The following ITLN1 variants were observed in gnomAD, a reference collection of about 807,000 sequenced individuals.
ITLN1 encodes the protein intelectin 1.
Under a neutral mutation model 36.2 loss-of-function variants are expected in ITLN1, and 29 were observed. The ratio of observed to expected loss-of-function variants is 0.80; its 90% CI spans 0.60 to 1.09. ITLN1 has a LOEUF of 1.09. ITLN1 is among the 50% of genes least tolerant of loss of function. The pLI, the probability that ITLN1 is intolerant of heterozygous loss-of-function variation, is 0.00. For synonymous variants in ITLN1, 143 were observed against 146.5 expected (o/e 0.98, Z 0.17); for missense variants, 358 against 405.2 (o/e 0.88, Z 1.00).
chr1:160,881,156 G>C lies in ITLN1; in HGVS notation c.562C>G (p.Gln188Glu), dbSNP rs754549800. ...TLGHNLFGIY[Q>E]KYPVKYGEGK... ...TCCCAGCCAGCAGCCTTCTGTACCTGGTAGATGCCAAACAGATTATGTCCC... is the reference window on the plus strand; with the variant it reads ...TCCCAGCCAGCAGCCTTCTGTACCTCGTAGATGCCAAACAGATTATGTCCC... Residue 188 changes from glutamine to glutamate, a missense_variant and splice_region_variant, in exon 5 of 8, where the codon CAG (glutamine) becomes GAG (glutamate). Physicochemically the swap from Gln to Glu is conservative, Grantham distance 29. Transcript: ENST00000326245. 5 of 1,607,314 alleles carry C rather than the reference G, an allele frequency of 3.1e-6. No individual in the cohort carries two copies. The Admixed American group carries it at 8.4e-5, about 27-fold the overall frequency.
At chr1:160,879,236 ACACT>A in intron 7 of ITLN1, 71 bp downstream of exon 7, 1 of 1,029,812 alleles carries the variant, frequency 9.7e-7, no homozygotes, top group Non-Finnish European at 1.5e-6. Context: ...CACACTCAAC[ACACT>A]CACACATACC....
At position 160,876,639 on chromosome 1, in the gene ITLN1, G is replaced by A. The variant is rs766041785; in HGVS notation, c.*25C>T. 3.1e-6 allele frequency: 5 copies of A among 1,612,910 alleles called. No individual in the cohort carries two copies. The highest frequency in any genetic ancestry group is 1.1e-5 in the South Asian group (1 of 90,980). On this transcript the variant is annotated 3_prime_UTR_variant, in exon 8 of 8. Transcript: ENST00000326245. ...TGGGATCTCATGGTTGGGAGGAGAG[G>A]TCTGGGTTCCCTCCCACAAAACTCT...
At position 160,876,775 on chromosome 1, in the gene ITLN1, G is replaced by A; in HGVS notation, c.831C>T (p.Pro277=). The part of the protein sequence containing the change: ...GGGGYFPEAS[P]QQCGDFSGFD... Reference sequence around the variant, plus strand: ...AACCAGAAAAATCTCCACACTGCTGGGGACTGGCCTCTGGAAAGTATCCTC... The same window carrying A: ...AACCAGAAAAATCTCCACACTGCTGAGGACTGGCCTCTGGAAAGTATCCTC... Residue 277 remains proline, a synonymous_variant, in exon 8 of 8, where the codon CCC becomes CCT. Coordinates refer to ENST00000326245, the MANE Select transcript of ITLN1 (RefSeq NM_017625.3). The A allele has an allele frequency of 6.2e-7, 1 of 1,614,170 alleles. No homozygotes were observed. Among genetic ancestry groups the A allele is most frequent in the Admixed American group, 1.7e-5 (1 of 60,022 alleles).
rs1194764351 is a variant in ITLN1, at chr1:160,883,436, C to T, written c.149G>A (p.Ser50Asn). 9.9e-6 allele frequency: 16 copies of T among 1,610,562 alleles called. No homozygotes were observed. The highest frequency in any genetic ancestry group is 1.4e-5 in the Non-Finnish European group (16 of 1,176,892). The change falls in exon 3 of 8, where the codon AGT (serine) becomes AAT (asparagine). Residue 50 changes from serine (S) to asparagine (N), a missense_variant. Transcript: ENST00000326245. ...AATGTTTCATCACTCACCAAATGCA[C>T]TAGGACATTCGTCTTTGATTTCCTT... The part of the protein sequence containing the change: ...SCKEIKDECP[S>N]AFDGLYFLRT...
At chr1:160,885,026 CT>C in intron 1 of ITLN1, 34 bp downstream of exon 1, 1 of 592,572 alleles carries the variant, frequency 1.7e-6, no homozygotes, top group South Asian at 2.1e-5. Context: ...AAAAGCAGAC[CT>C]AAGCTGAAAA....
chr1:160,876,826 A>G lies in ITLN1; in HGVS notation c.790-10T>C. The stretch of plus-strand genomic sequence containing the variant: ...CTCCACCAATGCAGTGCTGGGAAAC[A>G]AAGAGAGGAAGAGGCAGTAATGAGA... On this transcript the variant is annotated splice_polypyrimidine_tract_variant and intron_variant, in intron 7 of 7. Coordinates refer to ENST00000326245, the MANE Select transcript of ITLN1 (RefSeq NM_017625.3). 6.2e-7 allele frequency: 1 copy of G among 1,613,320 alleles called. No individual in the cohort carries two copies. The highest frequency in any genetic ancestry group is 2.2e-5 in the East Asian group (1 of 44,880).
chr1:160,876,771 G>C lies in ITLN1; in HGVS notation c.835C>G (p.Gln279Glu). The change falls in exon 8 of 8, where the codon CAG becomes GAG. Residue 279 changes from glutamine (Q) to glutamate (E), a missense_variant. By Grantham distance (29) the Gln-to-Glu change is conservative. Transcript: ENST00000326245. ...TCAAAACCAGAAAAATCTCCACACT[G>C]CTGGGGACTGGCCTCTGGAAAGTAT... ...GGYFPEASPQ[Q>E]CGDFSGFDWS... 6.2e-7 allele frequency: 1 copy of C among 1,614,154 alleles called. No homozygotes were observed. The highest frequency in any genetic ancestry group is 8.5e-7 in the Non-Finnish European group (1 of 1,179,998).
chr1:160,882,853 AT>A (rs984748030), intron 3 of ITLN1, among the ~76,000 whole-genome samples: 2 of 151,954 alleles, frequency 1.3e-5, no homozygotes, highest in Non-Finnish European at 2.9e-5. Flanking sequence ...ACTCCATGTT[AT>A]TTTTTGTTTT....
intron 7 of ITLN1, among the ~76,000 whole-genome samples, chr1:160,877,453 C>A (rs567711834): frequency 2.0e-4 from 30 of 152,214 alleles, no homozygotes; most frequent in African/African-American, 7.2e-4. Context: ...ACTGATGGCC[C>A]CAAAATCTCC....
In ITLN1 at chr1:160,881,149, T is replaced by C; in HGVS notation, c.564+5A>G. 2 of 1,603,206 alleles carry C rather than the reference T, an allele frequency of 1.2e-6. No individual in the cohort carries two copies. The highest frequency in any genetic ancestry group is 1.7e-6 in the Non-Finnish European group (2 of 1,174,308). ...AAACCAGTCCCAGCCAGCAGCCTTCTGTACCTGGTAGATGCCAAACAGATT... is the reference window on the plus strand; with the variant it reads ...AAACCAGTCCCAGCCAGCAGCCTTCCGTACCTGGTAGATGCCAAACAGATT... On this transcript the variant is annotated splice_donor_5th_base_variant and intron_variant, in intron 5 of 7. Coordinates refer to ENST00000326245, the MANE Select transcript of ITLN1 (RefSeq NM_017625.3).
rs568876219 is a variant in ITLN1, at chr1:160,879,116, C to G, written c.789+195G>C. ...CCCTTGATTTTGGTCTTCAAAGTGA[C>G]AGGATATGTATACCTGGACAAAAGT... is the stretch of plus-strand genomic sequence containing the variant. On this transcript the variant is annotated intron_variant, in intron 7 of 7. Transcript: ENST00000326245. Among the ~76,000 whole-genome samples, 96 of 152,286 alleles carry G rather than the reference C, an allele frequency of 6.3e-4. 2 individuals are homozygous for G. The South Asian group carries it at 0.02, about 31-fold the overall frequency.
rs780921806 is a variant in ITLN1, at chr1:160,880,720, A to C, written c.565-12T>G. ...TTCACTGGATATTTCTACAAAGAACACAGAAAAAGTCATGGAGTAAAGACA... is the reference window on the plus strand; with the variant it reads ...TTCACTGGATATTTCTACAAAGAACCCAGAAAAAGTCATGGAGTAAAGACA... On this transcript the variant is annotated splice_polypyrimidine_tract_variant and intron_variant, in intron 5 of 7. Coordinates refer to ENST00000326245, the MANE Select transcript of ITLN1 (RefSeq NM_017625.3). 1 of 1,613,990 alleles carries C rather than the reference A, an allele frequency of 6.2e-7. No homozygotes were observed. The highest frequency in any genetic ancestry group is 2.2e-5 in the East Asian group (1 of 44,890).
rs1372103592 is a variant in ITLN1, at chr1:160,884,888, A to G, written c.-6-5T>C. ...GCTGAGTTGGTTCATTGTAATCTAA[A>G]GAAAGCAAGATGAAGGTCACCATCT... On this transcript the variant is annotated splice_region_variant and splice_polypyrimidine_tract_variant and intron_variant, in intron 1 of 7. Coordinates refer to ENST00000326245, the MANE Select transcript of ITLN1 (RefSeq NM_017625.3). 6.2e-7 allele frequency: 1 copy of G among 1,607,916 alleles called. No individual in the cohort carries two copies. Among genetic ancestry groups the G allele is most frequent in the African/African-American group, 1.3e-5 (1 of 74,818 alleles).
At chr1:160,883,663 C>G in intron 2 of ITLN1, 137 bp from the exon 3 acceptor site, 1 of 595,286 alleles carries the variant, frequency 1.7e-6, no homozygotes, top group South Asian at 1.8e-5. Flanking sequence ...CAGCCAGTGT[C>G]ATATCCACTC....
intron 2 of ITLN1, 118 bp downstream of exon 2, chr1:160,884,702 A>T (rs866980193): frequency 1.5e-6 from 1 of 680,864 alleles, no homozygotes; most frequent in Middle Eastern, 3.8e-4. Flanking sequence ...ATCGGCACTC[A>T]GTCTACATGC....
chr1:160,880,664 G>T lies in ITLN1; in HGVS notation c.609C>A (p.Asn203Lys). The change falls in exon 6 of 8, where the codon AAC (asparagine) becomes AAA (lysine). Residue 203 changes from asparagine (N) to lysine (K), a missense_variant. By Grantham distance (94) the Asn-to-Lys change is moderately conservative. Transcript: ENST00000326245. ...CATAGACCACAGGGATCACCGGGCC[G>T]TTGTCAGTCCAACACTTTCCTTCTC... ...KYGEGKCWTDNGPVIPVVYDF... is the reference protein window; with the variant it reads ...KYGEGKCWTDKGPVIPVVYDF... 6.2e-7 allele frequency: 1 copy of T among 1,614,002 alleles called. No individual in the cohort carries two copies.
At chr1:160,884,415 T>TTATATATATATATATTTCTTATA (rs1312066565) in intron 2 of ITLN1, among the ~76,000 whole-genome samples, 1 of 151,952 alleles carries the variant, frequency 6.6e-6, no homozygotes, top group African/African-American at 2.4e-5. Flanking sequence ...AAAAAAAAAT[T>TTATATATATATATATTTCTTATA]TTTAGACGTG....
chr1:160,877,537 TC>T (rs1228661517), intron 7 of ITLN1, among the ~76,000 whole-genome samples: 1 of 152,120 alleles, frequency 6.6e-6, no homozygotes, highest in Non-Finnish European at 1.5e-5. Context: ...AACCTCAAGC[TC>T]CAAATGACCA....
At chr1:160,880,501 G>T in intron 6 of ITLN1, 87 bp downstream of exon 6, 1 of 1,392,628 alleles carries the variant, frequency 7.2e-7, no homozygotes, top group Non-Finnish European at 1.0e-6. Flanking sequence ...AGAGAACCAA[G>T]CTTCAGTCCG....
Sources: allele counts gnomAD v4.1 joint callset (sites outside exome capture counted in the v4.1 genomes callset), GRCh38; gene constraint gnomAD v4.1.1; transcripts MANE v1.5; gene names NCBI Gene and HGNC (gene_info 2026-07-23, HGNC 2026-07-21).